Variants in CCDC73 observed in about 807,000 individuals in gnomAD.
The protein encoded by CCDC73 is coiled-coil domain-containing protein 73.
Under a neutral mutation model 116.5 loss-of-function variants are expected in CCDC73, and 95 were observed. The ratio of observed to expected loss-of-function variants is 0.82; its 90% CI spans 0.69 to 0.97. The LOEUF (loss-of-function observed/expected upper bound fraction) is 0.97, where lower values mean the gene tolerates loss of function less well. CCDC73 is among the 50% of genes least tolerant of loss of function. The pLI, the probability that CCDC73 is intolerant of heterozygous loss-of-function variation, is 0.00. For synonymous variants in CCDC73, 398 were observed against 401.3 expected (o/e 0.99, Z 0.10); for missense variants, 1,066 against 1,206.8 (o/e 0.88, Z 1.73).
intron 14 of CCDC73, among the ~76,000 whole-genome samples, chr11:32,617,606 T>C (rs995700640): frequency 6.6e-5 from 10 of 152,080 alleles, no homozygotes; most frequent in African/African-American, 1.9e-4. Flanking sequence ...TGTGAACCCA[T>C]TGGTGATGTA....
intron 14 of CCDC73, among the ~76,000 whole-genome samples, chr11:32,629,407 A>G (rs1038895581): frequency 3.5e-5 from 5 of 141,448 alleles, no homozygotes; most frequent in Admixed American, 2.2e-4. Context: ...GCTGTCAGAG[A>G]TATAAAGACA....
intron 9 of CCDC73, among the ~76,000 whole-genome samples, chr11:32,668,332 A>G (rs1856006870): frequency 6.6e-6 from 1 of 152,210 alleles, no homozygotes; most frequent in African/African-American, 2.4e-5. Flanking sequence ...CCTATAGACC[A>G]TAAGCTCCTC....
upstream of CCDC73, among the ~76,000 whole-genome samples, chr11:32,794,985 C>A (rs1205790152): frequency 1.3e-5 from 2 of 151,564 alleles, no homozygotes; most frequent in Non-Finnish European, 2.9e-5. Flanking sequence ...CTGCCTCAGC[C>A]TCCCGATATA....
At position 32,642,080 on chromosome 11, in the gene CCDC73, G is replaced by A; in HGVS notation, c.942C>T (p.Thr314=). 6.6e-7 allele frequency: 1 copy of A among 1,524,682 alleles called. No individual in the cohort carries two copies. 94.4% of individuals were successfully genotyped at this position (1,524,682 alleles called of 1,614,324 possible). Residue 314 remains threonine (T), a splice_region_variant and synonymous_variant, in exon 13 of 18, where the codon ACC becomes ACT. Coordinates refer to ENST00000335185, the MANE Select transcript of CCDC73 (RefSeq NM_001008391.4). ...TTTGCAGCTCATTATCTCTTTCAAG[G>A]GTCTGCAATAAAATTAATTATCCAA... ...ELKVLKENNQ[T]LERDNELQRE...
At chr11:32,793,730 C>A (rs1306811507) in intron 1 of CCDC73, among the ~76,000 whole-genome samples, 1 of 152,076 alleles carries the variant, frequency 6.6e-6, no homozygotes, top group Non-Finnish European at 1.5e-5. Context: ...CCTGCCTCAG[C>A]CTCCTGAGTA....
chr11:32,652,873 T>G (rs1271422545), intron 12 of CCDC73, among the ~76,000 whole-genome samples: 1 of 152,176 alleles, frequency 6.6e-6, no homozygotes, highest in Non-Finnish European at 1.5e-5. Flanking sequence ...ACAGAGTGGA[T>G]TTTTCATTTT....
chr11:32,826,551 C>G, the CCDC73 span, among the ~76,000 whole-genome samples: 1 of 151,606 alleles, frequency 6.6e-6, no homozygotes, highest in Non-Finnish European at 1.5e-5. Flanking sequence ...TCACATTAAT[C>G]CAAGTCCATT....
intron 12 of CCDC73, among the ~76,000 whole-genome samples, chr11:32,652,018 G>GT (rs916071928): frequency 3.3e-5 from 5 of 152,110 alleles, no homozygotes; most frequent in African/African-American, 1.2e-4. Context: ...AACCACTAAG[G>GT]TTTTTTAAGA....
chr11:32,825,532 C>G, the CCDC73 span, among the ~76,000 whole-genome samples: 1 of 152,070 alleles, frequency 6.6e-6, no homozygotes, highest in Non-Finnish European at 1.5e-5. Context: ...GAACTCCCGA[C>G]TTCAGGTGAT....
At chr11:32,757,186 G>A (rs10835967) in intron 2 of CCDC73, among the ~76,000 whole-genome samples, 101,394 of 151,746 alleles carry the variant, frequency 0.67, 33,931 homozygotes, top group East Asian at 0.84. Context: ...AAAAAAACTT[G>A]CACAAAAAAA....
At position 32,699,152 on chromosome 11, in the gene CCDC73, T is replaced by C. The variant is rs112568779; in HGVS notation, c.390+99A>G. The C allele has an allele frequency of 5.9e-5, 76 of 1,279,906 alleles. No homozygotes were observed. In the African/African-American group the frequency reaches 1.0e-3, roughly 17 times the overall value. The allele number at this position is 1,279,906 out of a possible 1,614,324, so 79.3% of individuals were successfully genotyped here. ...TATGTAATATATTAGATATAAACTT[T>C]TGTCAGCTTTGCTTTGTAGCTTACA... On this transcript the variant is annotated intron_variant, in intron 6 of 17. Transcript: ENST00000335185.
At chr11:32,755,588 T>G in intron 2 of CCDC73, among the ~76,000 whole-genome samples, 1 of 96,390 alleles carries the variant, frequency 1.0e-5, no homozygotes, top group Non-Finnish European at 2.1e-5. Flanking sequence ...TATATATGTG[T>G]GTATATATAT....
chr11:32,792,570 C>G (rs185492545), intron 1 of CCDC73, among the ~76,000 whole-genome samples: 4 of 152,178 alleles, frequency 2.6e-5, no homozygotes, highest in Non-Finnish European at 4.4e-5. Context: ...CCCTGGAACA[C>G]AATTTAGGAA....
rs1332603233 is a variant in CCDC73 at position 32,653,964 on chromosome 11, TTA to T, written c.834+12_834+13del. 1.3e-5 allele frequency: 20 copies of T among 1,595,182 alleles called. No homozygotes were observed. Among genetic ancestry groups the T allele is most frequent in the Non-Finnish European group, 1.6e-5 (19 of 1,173,358 alleles). On this transcript the variant is annotated intron_variant, in intron 11 of 17. Coordinates refer to ENST00000335185, the MANE Select transcript of CCDC73 (RefSeq NM_001008391.4). ...GAATATTTACTGGCTTCCAAATAGCTTATGATTGCTTACCTGTTTTTCTTCTT... is the reference window on the plus strand; with the variant it reads ...GAATATTTACTGGCTTCCAAATAGCTTGATTGCTTACCTGTTTTTCTTCTT...
At chr11:32,702,361 G>C (rs531128053) in intron 4 of CCDC73, among the ~76,000 whole-genome samples, 60 of 152,232 alleles carry the variant, frequency 3.9e-4, no homozygotes, top group African/African-American at 1.3e-3. Context: ...GGATTCATTT[G>C]ATTTTTTTTC....
chr11:32,658,727 G>C (rs983239733), intron 9 of CCDC73, among the ~76,000 whole-genome samples: 1 of 152,118 alleles, frequency 6.6e-6, no homozygotes, highest in Non-Finnish European at 1.5e-5. Flanking sequence ...GGCATGAGAT[G>C]ATGAGTGTCT....
chr11:32,632,276 G>T (rs1331336878), intron 14 of CCDC73, among the ~76,000 whole-genome samples: 1 of 152,038 alleles, frequency 6.6e-6, no homozygotes, highest in African/African-American at 2.4e-5. Context: ...CCCAAGCTGG[G>T]GTGCAGTGGT....
chr11:32,624,212 T>G (rs540101574), intron 14 of CCDC73, among the ~76,000 whole-genome samples: 64 of 151,226 alleles, frequency 4.2e-4, no homozygotes, highest in African/African-American at 1.5e-3. Flanking sequence ...TGGTGGCACA[T>G]GCCTGTAGTC....
At chr11:32,616,329 T>C (rs777480651) in intron 14 of CCDC73, among the ~76,000 whole-genome samples, 200 bp from the exon 15 acceptor site, 3 of 152,218 alleles carry the variant, frequency 2.0e-5, no homozygotes, top group Non-Finnish European at 4.4e-5. Context: ...ATATAGTCTA[T>C]CATATTTAAG....
Sources: allele counts gnomAD v4.1 joint callset (sites outside exome capture counted in the v4.1 genomes callset), GRCh38; gene constraint gnomAD v4.1.1; transcripts MANE v1.5; gene names NCBI Gene and HGNC (gene_info 2026-07-23, HGNC 2026-07-21).